Variants in FAM120A observed in about 807,000 individuals in gnomAD.
FAM120A encodes the protein constitutive coactivator of PPAR-gamma-like protein 1.
FAM120A carries 15 observed loss-of-function variants against 109.7 expected under a neutral mutation model. The ratio of observed to expected loss-of-function variants is 0.14; its 90% CI spans 0.09 to 0.21. The LOEUF is 0.21. FAM120A is among the 10% of genes least tolerant of loss of function. The pLI is 1.00. For missense variants in FAM120A, 899 were observed against 1,439.3 expected, an observed-to-expected ratio of 0.62 and a Z score of 6.07; for synonymous variants, 493 against 572.8, an observed-to-expected ratio of 0.86 and a Z score of 1.99.
At position 93,562,243 on chromosome 9, in the gene FAM120A, G is replaced by T; in HGVS notation, c.2984G>T (p.Arg995Ile). The T allele has an allele frequency of 1.2e-6, 2 of 1,614,100 alleles. No individual in the cohort carries two copies. Among genetic ancestry groups the T allele is most frequent in the Non-Finnish European group, 1.7e-6 (2 of 1,179,976 alleles). ...GGAGTTATTTCCACCCCAGTGATTA[G>T]AACATTTGGAAGAGGTGGAAGGTAC... ...PRGVISTPVIRTFGRGGRYYG... is the reference protein window; with the variant it reads ...PRGVISTPVIITFGRGGRYYG... Residue 995 changes from arginine (R) to isoleucine (I), a missense_variant, in exon 17 of 18, where the codon AGA (arginine) becomes ATA (isoleucine). Coordinates refer to ENST00000277165, the MANE Select transcript of FAM120A (RefSeq NM_014612.5).
intron 15 of FAM120A, among the ~76,000 whole-genome samples, chr9:93,560,442 G>A (rs1039885185): frequency 6.6e-6 from 1 of 152,128 alleles, no homozygotes; most frequent in African/African-American, 2.4e-5. Flanking sequence ...GTAGGTTTCT[G>A]TTGGACAGTG....
intron 3 of FAM120A, among the ~76,000 whole-genome samples, chr9:93,496,350 G>A (rs917511963): frequency 5.3e-5 from 8 of 152,346 alleles, no homozygotes; most frequent in African/African-American, 1.9e-4. Context: ...CATCAGAGGA[G>A]TCATTTTCTA....
chr9:93,475,187 G>A (rs1418868651), intron 2 of FAM120A, among the ~76,000 whole-genome samples: 3 of 152,194 alleles, frequency 2.0e-5, no homozygotes, highest in Non-Finnish European at 4.4e-5. Context: ...TATACACATA[G>A]TTTAAAGGTA....
chr9:93,540,962 A>G (rs777799106), intron 10 of FAM120A, among the ~76,000 whole-genome samples: 14 of 152,130 alleles, frequency 9.2e-5, no homozygotes, highest in Non-Finnish European at 1.5e-4. Context: ...TTAAAGGCCA[A>G]TTTAGTAAGA....
Position 93,529,315 on chromosome 9 carries a change from T to G in FAM120A, c.1507-38T>G, listed in dbSNP as rs562486895. The stretch of plus-strand genomic sequence containing the variant: ...ACTTTAAATGAATGAAAACATGACA[T>G]ACACTCGTTTTCCTCCCTTCTGCTC... On this transcript the variant is annotated intron_variant, in intron 8 of 17. Transcript: ENST00000277165. 8 of 1,512,242 alleles carry G rather than the reference T, an allele frequency of 5.3e-6. No homozygotes were observed. The South Asian group carries it at 9.1e-5, about 17-fold the overall frequency. The allele number at this position is 1,512,242 out of a possible 1,614,324, so 93.7% of individuals were successfully genotyped here.
intron 1 of FAM120A, among the ~76,000 whole-genome samples, chr9:93,462,903 A>G (rs1197655330): frequency 2.6e-5 from 4 of 152,200 alleles, no homozygotes; most frequent in African/African-American, 7.2e-5. Context: ...GTTGTATTGG[A>G]TAGACCACAT....
Position 93,469,622 on chromosome 9 carries a change from TA to T in FAM120A, c.475-1511del, listed in dbSNP as rs1232897362. On this transcript the variant is annotated intron_variant, in intron 1 of 17. Transcript: ENST00000277165. ...GATGAAGCAGGCCTAATTTTGGATT[TA>T]AAAAAAATCTATTCTATTTTAGCTG... is the stretch of plus-strand genomic sequence containing the variant. Among the ~76,000 whole-genome samples the T allele has an allele frequency of 3.3e-5, 5 of 152,170 alleles. No individual in the cohort carries two copies. In the East Asian group the frequency reaches 5.8e-4, roughly 18 times the overall value.
At chr9:93,475,553 A>G (rs542470294) in intron 2 of FAM120A, among the ~76,000 whole-genome samples, 83 of 152,348 alleles carry the variant, frequency 5.4e-4, no homozygotes, top group African/African-American at 1.9e-3. Flanking sequence ...CTAACCTACT[A>G]AAGATCAGGT....
At chr9:93,505,153 C>T (rs549610263) in intron 5 of FAM120A, among the ~76,000 whole-genome samples, 3 of 150,496 alleles carry the variant, frequency 2.0e-5, no homozygotes, top group African/African-American at 7.4e-5. Context: ...CTCCGCCTCC[C>T]AGGTTCACAC....
intron 11 of FAM120A, among the ~76,000 whole-genome samples, chr9:93,544,554 T>G (rs1311993859): frequency 6.6e-6 from 1 of 152,260 alleles, no homozygotes; most frequent in Non-Finnish European, 1.5e-5. Flanking sequence ...ACTTCAAACA[T>G]AGAGAAAAGT....
intron 13 of FAM120A, 39 bp from the exon 14 acceptor site, chr9:93,557,788 T>C: frequency 6.3e-7 from 1 of 1,589,360 alleles, no homozygotes; most frequent in Non-Finnish European, 8.6e-7. Flanking sequence ...TAAAACCCCC[T>C]GTGGATGGCA....
chr9:93,501,522 T>A (rs1859801733), intron 5 of FAM120A, among the ~76,000 whole-genome samples: 1 of 152,156 alleles, frequency 6.6e-6, no homozygotes, highest in Non-Finnish European at 1.5e-5. Flanking sequence ...ATGCTTGGGA[T>A]GATAGTTTGA....
At chr9:93,516,745 T>C (rs895923976) in intron 7 of FAM120A, among the ~76,000 whole-genome samples, 2 of 152,198 alleles carry the variant, frequency 1.3e-5, no homozygotes, top group Non-Finnish European at 2.9e-5. Context: ...AGCAAAACCC[T>C]AGAAAGCTGC....
chr9:93,453,559 A>T, intron 1 of FAM120A: 1 of 985,346 alleles, frequency 1.0e-6, no homozygotes, highest in Non-Finnish European at 1.2e-6. Context: ...ACTGCCCGCG[A>T]GGAGATGGTG....
chr9:93,479,990 G>T (rs973192244), intron 3 of FAM120A, among the ~76,000 whole-genome samples: 1 of 152,152 alleles, frequency 6.6e-6, no homozygotes, highest in Non-Finnish European at 1.5e-5. Context: ...GCTAGGATGG[G>T]AGCCAAATTC....
intron 5 of FAM120A, among the ~76,000 whole-genome samples, chr9:93,512,035 G>A (rs1397862388): frequency 6.6e-6 from 1 of 152,168 alleles, no homozygotes; most frequent in Admixed American, 6.5e-5. Context: ...CAAGTGATTC[G>A]CCTGCCTTGG....
At chr9:93,497,391 A>G (rs2131348091) in intron 3 of FAM120A, 80 bp from the exon 4 acceptor site, 2 of 1,557,434 alleles carry the variant, frequency 1.3e-6, no homozygotes, top group South Asian at 2.4e-5. Context: ...CTCCTTGTTG[A>G]ATTTCTGGCT....
intron 7 of FAM120A, among the ~76,000 whole-genome samples, chr9:93,525,583 G>A (rs1392021272): frequency 6.6e-6 from 1 of 152,206 alleles, no homozygotes; most frequent in Non-Finnish European, 1.5e-5. Context: ...TCTAGGCCAG[G>A]ATTTAGTAAT....
chr9:93,551,930 G>A (rs1862115744), intron 12 of FAM120A, among the ~76,000 whole-genome samples: 1 of 152,094 alleles, frequency 6.6e-6, no homozygotes, highest in African/African-American at 2.4e-5. Flanking sequence ...TCAATGTTTG[G>A]TCAGGTGTCC....
Sources: allele counts gnomAD v4.1 joint callset (sites outside exome capture counted in the v4.1 genomes callset), GRCh38; gene constraint gnomAD v4.1.1; transcripts MANE v1.5; gene names NCBI Gene and HGNC (gene_info 2026-07-23, HGNC 2026-07-21).